The following MICAL2 variants were observed in gnomAD, a reference collection of about 807,000 sequenced individuals.
The protein encoded by MICAL2 is microtubule associated monooxygenase, calponin and LIM domain containing 2.
Under a neutral mutation model 127.3 loss-of-function variants are expected in MICAL2, and 77 were observed. That is an observed-to-expected ratio of 0.60 (90% CI 0.50 to 0.73). MICAL2 has a LOEUF of 0.73. MICAL2 is among the 30% of genes least tolerant of loss of function. The pLI is 0.00. For synonymous variants in MICAL2, 570 were observed against 551.1 expected, an observed-to-expected ratio of 1.03 and a Z score of -0.48; for missense variants, 1,351 against 1,434.4, an observed-to-expected ratio of 0.94 and a Z score of 0.94.
chr11:12,137,109 G>A (rs928074753), intron 1 of MICAL2, among the ~76,000 whole-genome samples: 2 of 152,220 alleles, frequency 1.3e-5, no homozygotes, highest in African/African-American at 4.8e-5. Context: ...CAGCAGCACC[G>A]AGCCTGCAGC....
intron 7 of MICAL2, among the ~76,000 whole-genome samples, chr11:12,214,643 G>A (rs1855921295): frequency 2.0e-5 from 3 of 152,184 alleles, no homozygotes; most frequent in African/African-American, 7.2e-5. Flanking sequence ...AAAACAATCA[G>A]AATATTTTAT....
Position 12,216,262 on chromosome 11 carries a change from C to T in MICAL2, c.891C>T (p.His297=), listed in dbSNP as rs1294238843. 1.9e-6 allele frequency: 3 copies of T among 1,614,074 alleles called. No individual in the cohort carries two copies. Among genetic ancestry groups the T allele is most frequent in the Admixed American group, 1.7e-5 (1 of 60,018 alleles). ...ENIVYYKDCT[H]YFVMTAKKQS... is the part of the protein sequence containing the mutation. ...TTGTTTACTACAAGGACTGCACCCA[C>T]TATTTTGTAATGACAGCCAAGAAGC... The change falls in exon 8 of 28, where the codon CAC becomes CAT. Residue 297 remains histidine (H), a synonymous_variant. Coordinates refer to ENST00000683283, the MANE Select transcript of MICAL2 (RefSeq NM_001282663.2).
chr11:12,201,840 C>A (rs376224717), intron 3 of MICAL2, among the ~76,000 whole-genome samples: 1 of 152,194 alleles, frequency 6.6e-6, no homozygotes, highest in Non-Finnish European at 1.5e-5. Flanking sequence ...TTTCACTGGC[C>A]GGGCACAGTG....
At chr11:12,342,993 G>C (rs1938893746) in intron 32 of MICAL2, among the ~76,000 whole-genome samples, 1 of 152,276 alleles carries the variant, frequency 6.6e-6, no homozygotes, top group East Asian at 1.9e-4. Flanking sequence ...AGCAAGGCAA[G>C]GTTGAACTGG....
Position 12,165,178 on chromosome 11 carries a change from A to AAAT in MICAL2, c.264+2761_264+2762insTAA, listed in dbSNP as rs1164756973. 6.4e-4 allele frequency among the ~76,000 whole-genome samples: 4 copies of AAAT among 6,260 alleles called. No homozygotes were observed. In the Non-Finnish European group the frequency reaches 0.035, roughly 55 times the overall value. 4.1% of individuals were successfully genotyped at this position (6,260 alleles called of 152,430 possible). On this transcript the variant is annotated intron_variant, in intron 3 of 27. Coordinates refer to ENST00000683283, the MANE Select transcript of MICAL2 (RefSeq NM_001282663.2). ...AAAGAAAAGAAAGAAAGAAAGAAAT[A>AAAT]AAAAAATCACACAAAAAATGGGTGT...
At chr11:12,165,219 T>C (rs944567668) in intron 3 of MICAL2, among the ~76,000 whole-genome samples, 1 of 151,724 alleles carries the variant, frequency 6.6e-6, no homozygotes, top group African/African-American at 2.4e-5. Flanking sequence ...ACAGTGAGTG[T>C]TGATTTGTAT....
chr11:12,260,722 A>G (rs1862996611), intron 26 of MICAL2: 2 of 985,448 alleles, frequency 2.0e-6, no homozygotes, highest in Non-Finnish European at 1.2e-6. Flanking sequence ...GAAGGGCAGA[A>G]TAGAATTCAA....
chr11:12,342,989 G>T (rs1199101694), intron 32 of MICAL2, among the ~76,000 whole-genome samples: 1 of 152,174 alleles, frequency 6.6e-6, no homozygotes, highest in African/African-American at 2.4e-5. Flanking sequence ...GGAGAGCAAG[G>T]CAAGGTTGAA....
intron 24 of MICAL2, among the ~76,000 whole-genome samples, chr11:12,270,103 C>A (rs1334598518): frequency 6.6e-6 from 1 of 152,218 alleles, no homozygotes; most frequent in Admixed American, 6.5e-5. Context: ...GACTAGTCTC[C>A]TTCCCAGAGC....
chr11:12,140,836 C>T (rs1488806966), intron 2 of MICAL2, among the ~76,000 whole-genome samples: 3 of 152,212 alleles, frequency 2.0e-5, no homozygotes, highest in African/African-American at 7.2e-5. Flanking sequence ...AACAGGTCAG[C>T]CTTCCAGGCA....
intron 3 of MICAL2, among the ~76,000 whole-genome samples, chr11:12,164,242 T>G (rs1005401353): frequency 1.3e-5 from 2 of 152,198 alleles, no homozygotes; most frequent in Admixed American, 6.5e-5. Context: ...GAAAGAAAGC[T>G]CCTTTTGTTA....
chr11:12,276,165 A>G, exon 1 of MICAL2: 1 of 399,238 alleles, frequency 2.5e-6, no homozygotes, highest in Non-Finnish European at 4.4e-6. Context: ...CGAAGACAGC[A>G]GGTATGCTCA....
rs570782143 is a variant in MICAL2, at chr11:12,329,067, G to C, written c.5515+1801G>C. Among the ~76,000 whole-genome samples the C allele has an allele frequency of 1.1e-4, 16 of 152,318 alleles. No individual in the cohort carries two copies. The South Asian group carries it at 3.3e-3, about 32-fold the overall frequency. Reference sequence around the variant, plus strand: ...GGAGTGCTAATAATACTTGTTACTTGTATTTGTGGTGAGGATTAGCTAAAA... The same window carrying C: ...GGAGTGCTAATAATACTTGTTACTTCTATTTGTGGTGAGGATTAGCTAAAA... On this transcript the variant is annotated intron_variant, in intron 32 of 34. Coordinates refer to the MICAL2 transcript ENST00000646065.
chr11:12,344,190 G>T (rs1003110634), intron 32 of MICAL2, among the ~76,000 whole-genome samples: 1 of 152,092 alleles, frequency 6.6e-6, no homozygotes, highest in Admixed American at 6.5e-5. Context: ...CAGCTACTCA[G>T]GAGGCTGAGG....
At chr11:12,344,472 CTATTATTATTATTAT>C (rs1555024327) in intron 32 of MICAL2, among the ~76,000 whole-genome samples, 186 of 141,478 alleles carry the variant, frequency 1.3e-3, no homozygotes, top group African/African-American at 4.4e-3. Flanking sequence ...ATTCTAGAAA[CTATTATTATTATTAT>C]TATTATTATT....
intron 2 of MICAL2, among the ~76,000 whole-genome samples, chr11:12,285,831 T>C (rs1228005844): frequency 6.6e-6 from 1 of 152,170 alleles, no homozygotes; most frequent in Non-Finnish European, 1.5e-5. Context: ...GGGCCTTGGA[T>C]TTAGGGTCCT....
chr11:12,310,500 T>C (rs566683312), intron 29 of MICAL2, among the ~76,000 whole-genome samples: 81 of 152,338 alleles, frequency 5.3e-4, no homozygotes, highest in African/African-American at 1.9e-3. Context: ...TGTGGACTTA[T>C]TTCTGGGTTC....
intron 3 of MICAL2, among the ~76,000 whole-genome samples, chr11:12,180,762 C>T (rs1857358442): frequency 1.3e-5 from 1 of 79,154 alleles, no homozygotes. Context: ...AACCAACAGT[C>T]CTAGACTTTA....
intron 6 of MICAL2, among the ~76,000 whole-genome samples, chr11:12,212,817 C>T (rs1314222158): frequency 6.6e-6 from 1 of 152,162 alleles, no homozygotes; most frequent in East Asian, 1.9e-4. Flanking sequence ...TTGTTAAAAT[C>T]CCTGTCCTGC....
Sources: gnomAD v4.1 joint callset for allele counts (sites outside exome capture counted in the v4.1 genomes callset) on GRCh38, gnomAD v4.1.1 for gene constraint, MANE v1.5 for transcripts, NCBI Gene and HGNC (gene_info 2026-07-23, HGNC 2026-07-21) for gene names.